The following ARL15 variants were observed in gnomAD, a reference collection of about 807,000 sequenced individuals.
The protein encoded by ARL15 is ADP-ribosylation factor-like protein 15.
ARL15 carries 19 observed loss-of-function variants against 25.2 expected under a neutral mutation model. The ratio of observed to expected loss-of-function variants is 0.75; its 90% CI spans 0.53 to 1.10. The LOEUF is 1.10. Among genes scored for constraint, ARL15 ranks in the 50% least tolerant of loss-of-function variants. The probability of loss-of-function intolerance (pLI) is 0.00; values close to 1 mark genes in which losing one functional copy is unlikely to be tolerated. For missense variants in ARL15, 220 were observed against 246.0 expected (o/e 0.89, Z 0.71); for synonymous variants, 94 against 86.8 (o/e 1.08, Z -0.46).
chr5:54,274,913 T>C (rs1267703814), intron 1 of ARL15, among the ~76,000 whole-genome samples: 1 of 151,946 alleles, frequency 6.6e-6, no homozygotes, highest in Non-Finnish European at 1.5e-5. Flanking sequence ...CTTTATAAAC[T>C]CTCATTTCCT....
At chr5:54,207,694 G>T (rs145120404) in intron 1 of ARL15, among the ~76,000 whole-genome samples, 13 of 152,300 alleles carry the variant, frequency 8.5e-5, no homozygotes, top group African/African-American at 3.1e-4. Flanking sequence ...CTCTAAACAG[G>T]CAGTGAAAGA....
chr5:54,017,844 T>C (rs913957855), intron 4 of ARL15, among the ~76,000 whole-genome samples: 6 of 152,122 alleles, frequency 3.9e-5, no homozygotes, highest in African/African-American at 1.4e-4. Flanking sequence ...ACACTCTCAC[T>C]TCCTTACACG....
At chr5:54,145,663 T>C (rs116656144) in intron 3 of ARL15, among the ~76,000 whole-genome samples, 3,352 of 152,224 alleles carry the variant, frequency 0.022, 125 homozygotes, top group African/African-American at 0.077. Flanking sequence ...CACCTGGGCA[T>C]GGCAGGGATT....
intron 4 of ARL15, among the ~76,000 whole-genome samples, chr5:54,004,734 C>G (rs1314693594): frequency 6.6e-6 from 1 of 151,834 alleles, no homozygotes; most frequent in African/African-American, 2.4e-5. Flanking sequence ...TGGATGGTTA[C>G]AAATTTGTAG....
At chr5:53,926,245 C>A (rs1328314511) in intron 4 of ARL15, among the ~76,000 whole-genome samples, 1 of 152,086 alleles carries the variant, frequency 6.6e-6, no homozygotes, top group Non-Finnish European at 1.5e-5. Context: ...GCCCACAGGG[C>A]TGCAGAGATG....
intron 4 of ARL15, among the ~76,000 whole-genome samples, chr5:54,085,156 G>A (rs1751926842): frequency 6.6e-6 from 1 of 152,078 alleles, no homozygotes; most frequent in Non-Finnish European, 1.5e-5. Context: ...TACAGAACAG[G>A]GAAACAATGA....
Position 54,206,932 on chromosome 5 carries a change from A to G in ARL15, c.49-35004T>C, listed in dbSNP as rs6861385. On this transcript the variant is annotated intron_variant, in intron 1 of 4. Coordinates refer to ENST00000504924, the MANE Select transcript of ARL15 (RefSeq NM_019087.3). ...AATTAAAATACAATGCATTTTCAAA[A>G]TTCTCAAGTGACCAAGATTTGTAAC... Among the ~76,000 whole-genome samples the G allele has an allele frequency of 5.2e-3, 790 of 152,374 alleles. 10 individuals carry two copies. The highest frequency in any genetic ancestry group is 0.018 in the African/African-American group (737 of 41,596).
At chr5:54,084,258 T>G (rs1365052999) in intron 4 of ARL15, among the ~76,000 whole-genome samples, 1 of 152,122 alleles carries the variant, frequency 6.6e-6, no homozygotes. Flanking sequence ...CAGGACACCG[T>G]ATGCTTCAGA....
intron 4 of ARL15, among the ~76,000 whole-genome samples, chr5:53,940,974 A>G (rs573872539): frequency 2.6e-5 from 4 of 152,318 alleles, no homozygotes; most frequent in South Asian, 2.1e-4. Context: ...AAAGCTTACC[A>G]ATTAATTACC....
chr5:54,066,518 C>T (rs868110684), intron 4 of ARL15, among the ~76,000 whole-genome samples: 1 of 152,130 alleles, frequency 6.6e-6, no homozygotes, highest in Non-Finnish European at 1.5e-5. Context: ...AGAAGACTGA[C>T]AGGGACATTC....
chr5:53,977,489 T>C lies in ARL15; in HGVS notation c.463-90776A>G, dbSNP rs959203395. On this transcript the variant is annotated intron_variant, in intron 4 of 4. Transcript: ENST00000504924. The stretch of plus-strand genomic sequence containing the variant: ...GTCAGTAATAACTTCACTTCTTAGA[T>C]GATTCCTGTTTAATCTGTAAGTGTT... Among the ~76,000 whole-genome samples, 2 of 152,212 alleles carry C rather than the reference T, an allele frequency of 1.3e-5. 1 individual carries two copies. The highest frequency in any genetic ancestry group is 2.9e-5 in the Non-Finnish European group (2 of 68,036).
In ARL15 at chr5:53,945,823, T is replaced by C. The variant is rs188361708; in HGVS notation, c.463-59110A>G. On this transcript the variant is annotated intron_variant, in intron 4 of 4. Transcript: ENST00000504924. ...GTTCTCATTCCACTAACCATAAACA[T>C]AGAAGTTTAGAGCTGGGAAGGACCT... Among the ~76,000 whole-genome samples, 755 of 152,254 alleles carry C rather than the reference T, an allele frequency of 5.0e-3. 7 individuals carry two copies. The highest frequency in any genetic ancestry group is 0.017 in the African/African-American group (714 of 41,554).
chr5:54,181,595 T>C (rs1212907094), intron 1 of ARL15, among the ~76,000 whole-genome samples: 2 of 152,210 alleles, frequency 1.3e-5, no homozygotes, highest in African/African-American at 4.8e-5. Context: ...GGGCATTTTC[T>C]ATATTTTAAA....
At chr5:54,244,995 T>G (rs952559371) in intron 1 of ARL15, among the ~76,000 whole-genome samples, 3 of 152,194 alleles carry the variant, frequency 2.0e-5, no homozygotes, top group African/African-American at 7.2e-5. Flanking sequence ...AAGTAAATTT[T>G]CTTTATGTAA....
intron 1 of ARL15, among the ~76,000 whole-genome samples, chr5:54,184,916 A>T (rs972655472): frequency 6.6e-6 from 1 of 152,098 alleles, no homozygotes; most frequent in Non-Finnish European, 1.5e-5. Context: ...ATCCTACTCC[A>T]ATTCAGTCTC....
chr5:54,242,274 T>C (rs572441576), intron 1 of ARL15, among the ~76,000 whole-genome samples: 1 of 152,190 alleles, frequency 6.6e-6, no homozygotes, highest in Non-Finnish European at 1.5e-5. Context: ...ATAACAAATA[T>C]TTAGGGAATA....
chr5:54,044,793 A>G (rs550091018), intron 4 of ARL15, among the ~76,000 whole-genome samples: 63 of 152,346 alleles, frequency 4.1e-4, no homozygotes, highest in Non-Finnish European at 8.5e-4. Context: ...CTCTACAAAC[A>G]TTAGATGATA....
Position 54,070,178 on chromosome 5 carries a change from G to T in ARL15, c.462+43024C>A, listed in dbSNP as rs563969122. On this transcript the variant is annotated intron_variant, in intron 4 of 4. Coordinates refer to ENST00000504924, the MANE Select transcript of ARL15 (RefSeq NM_019087.3). ...GGCCGAGGCGGGTGGATCACCTGAA[G>T]TCAGGAGATCAAGACCATCCTGGCT... Among the ~76,000 whole-genome samples the T allele has an allele frequency of 4.6e-4, 69 of 151,576 alleles. No homozygotes were observed. In the Middle Eastern group the frequency reaches 0.024, roughly 53 times the overall value.
chr5:53,979,829 TTG>T (rs70986653), intron 4 of ARL15, among the ~76,000 whole-genome samples: 27,510 of 141,752 alleles, frequency 0.19, 1,912 homozygotes, highest in Non-Finnish European at 0.22. Flanking sequence ...TTAAAGTCTT[TTG>T]TGTGTGTGTG....
Sources: gnomAD v4.1 joint callset for allele counts (sites outside exome capture counted in the v4.1 genomes callset) on GRCh38, gnomAD v4.1.1 for gene constraint, MANE v1.5 for transcripts, NCBI Gene and HGNC (gene_info 2026-07-23, HGNC 2026-07-21) for gene names.